Variants in ZBBX observed in about 807,000 individuals in gnomAD.
ZBBX encodes the protein zinc finger B-box domain containing.
ZBBX carries 101 observed loss-of-function variants against 108.5 expected under a neutral mutation model. That is an observed-to-expected ratio of 0.93 (90% CI 0.79 to 1.10). The LOEUF (loss-of-function observed/expected upper bound fraction) is 1.10, where lower values mean the gene tolerates loss of function less well. Ranked by LOEUF, ZBBX falls within the 50% of genes least tolerant of loss-of-function variation. The probability of loss-of-function intolerance (pLI) is 0.00; values close to 1 mark genes in which losing one functional copy is unlikely to be tolerated. For missense variants in ZBBX, 1,009 were observed against 941.4 expected, an observed-to-expected ratio of 1.07 and a Z score of -0.94; for synonymous variants, 356 against 323.4, an observed-to-expected ratio of 1.10 and a Z score of -1.08.
intron 2 of ZBBX, among the ~76,000 whole-genome samples, chr3:167,377,715 G>C (rs1747184215): frequency 6.6e-6 from 1 of 151,810 alleles, no homozygotes; most frequent in Non-Finnish European, 1.5e-5. Context: ...TATAAGGCAA[G>C]AACTGATAAT....
At chr3:167,245,812 T>A (rs1481110496) in intron 20 of ZBBX, among the ~76,000 whole-genome samples, 1 of 151,492 alleles carries the variant, frequency 6.6e-6, no homozygotes, top group Non-Finnish European at 1.5e-5. Flanking sequence ...CTGAGCCAAT[T>A]AAACTTCTTT....
chr3:167,396,011 A>C (rs1471976254), intron 1 of ZBBX, among the ~76,000 whole-genome samples: 1 of 152,012 alleles, frequency 6.6e-6, no homozygotes, highest in African/African-American at 2.4e-5. Context: ...CCTTACTCAA[A>C]AATCACTTGA....
chr3:167,239,083 G>A (rs1206629690), downstream of ZBBX, among the ~76,000 whole-genome samples: 3 of 152,076 alleles, frequency 2.0e-5, no homozygotes, highest in African/African-American at 4.8e-5. Context: ...GGATTAGCAA[G>A]TCCAAAATCC....
At chr3:167,191,985 AC>A in the ZBBX span, among the ~76,000 whole-genome samples, 74 of 144,460 alleles carry the variant, frequency 5.1e-4, 2 homozygotes, top group African/African-American at 1.8e-3. Flanking sequence ...AACAAAAAAA[AC>A]CTCTTCATTT....
At chr3:167,258,414 C>T (rs2108401284) in intron 20 of ZBBX, among the ~76,000 whole-genome samples, 2 of 152,228 alleles carry the variant, frequency 1.3e-5, no homozygotes, top group East Asian at 3.9e-4. Flanking sequence ...CAACATGTGG[C>T]TAGCCAATTA....
At chr3:167,289,151 A>C (rs1163342487) in intron 18 of ZBBX, among the ~76,000 whole-genome samples, 168 bp from the exon 19 acceptor site, 2 of 152,054 alleles carry the variant, frequency 1.3e-5, no homozygotes, top group East Asian at 1.9e-4. Context: ...AAAATCATTA[A>C]ATTAATATAT....
At chr3:167,290,626 C>T (rs1560079019) in intron 18 of ZBBX, among the ~76,000 whole-genome samples, 1 of 152,008 alleles carries the variant, frequency 6.6e-6, no homozygotes, top group East Asian at 1.9e-4. Context: ...GCTGAAAATT[C>T]CAAAAACCTG....
chr3:167,224,018 C>A, the ZBBX span, among the ~76,000 whole-genome samples: 1 of 151,896 alleles, frequency 6.6e-6, no homozygotes, highest in Non-Finnish European at 1.5e-5. Context: ...CAGCTCAGGT[C>A]GATCTGCTTG....
At chr3:167,212,638 G>A in the ZBBX span, among the ~76,000 whole-genome samples, 63 of 152,176 alleles carry the variant, frequency 4.1e-4, no homozygotes, top group African/African-American at 1.4e-3. Flanking sequence ...ATGACCCTTG[G>A]CTACAACCAC....
intron 20 of ZBBX, among the ~76,000 whole-genome samples, chr3:167,243,391 T>C (rs889614027): frequency 2.0e-5 from 3 of 152,104 alleles, no homozygotes; most frequent in African/African-American, 7.2e-5. Flanking sequence ...AAATTACTGG[T>C]TGCTATTCTT....
At chr3:167,270,905 A>C (rs1254018572) in intron 20 of ZBBX, among the ~76,000 whole-genome samples, 3 of 152,230 alleles carry the variant, frequency 2.0e-5, no homozygotes, top group African/African-American at 7.2e-5. Flanking sequence ...GTCTCAATTT[A>C]ATTGACTACC....
At chr3:167,374,590 CATTT>C (rs923946642) in intron 2 of ZBBX, among the ~76,000 whole-genome samples, 2 of 152,056 alleles carry the variant, frequency 1.3e-5, no homozygotes, top group Non-Finnish European at 2.9e-5. Context: ...CCACAATAAA[CATTT>C]ATTAAGGTTC....
downstream of ZBBX, among the ~76,000 whole-genome samples, chr3:167,238,407 A>G (rs1029605150): frequency 6.6e-5 from 10 of 152,004 alleles, no homozygotes; most frequent in Admixed American, 2.6e-4. Flanking sequence ...TTGATTGCTT[A>G]TTGTCCACGT....
intron 19 of ZBBX, among the ~76,000 whole-genome samples, chr3:167,286,386 A>C (rs558194529): frequency 1.3e-5 from 2 of 152,272 alleles, no homozygotes; most frequent in East Asian, 3.9e-4. Flanking sequence ...ATAGAATGGC[A>C]TGATACAATA....
At chr3:167,359,614 C>T (rs1344896531) in intron 8 of ZBBX, among the ~76,000 whole-genome samples, 1 of 151,966 alleles carries the variant, frequency 6.6e-6, no homozygotes, top group Non-Finnish European at 1.5e-5. Context: ...AGGTATGACT[C>T]AAAGGAGCGG....
intron 10 of ZBBX, among the ~76,000 whole-genome samples, chr3:167,333,260 G>T (rs1383606340): frequency 6.6e-6 from 1 of 151,926 alleles, no homozygotes; most frequent in Non-Finnish European, 1.5e-5. Context: ...AAAGAATGAG[G>T]ATTATAACAT....
chr3:167,332,738 A>T (rs552186214), intron 10 of ZBBX, among the ~76,000 whole-genome samples: 12 of 152,306 alleles, frequency 7.9e-5, no homozygotes, highest in African/African-American at 2.9e-4. Flanking sequence ...AGGCACGAAG[A>T]AGAAACTTTT....
chr3:167,264,147 T>G (rs148235577), intron 20 of ZBBX, among the ~76,000 whole-genome samples: 1 of 152,340 alleles, frequency 6.6e-6, no homozygotes, highest in East Asian at 1.9e-4. Context: ...TTGGGCTTTA[T>G]TTTTCCATCC....
At position 167,322,163 on chromosome 3, in the gene ZBBX, CTTCT is replaced by C. The variant is rs1260193023; in HGVS notation, c.933_936del (p.Glu312ThrfsTer67). 2.1e-6 allele frequency: 3 copies of C among 1,438,844 alleles called. No homozygotes were observed. The highest frequency in any genetic ancestry group is 2.8e-6 in the Non-Finnish European group (3 of 1,081,856). The allele number at this position is 1,438,844 out of a possible 1,614,324, so 89.1% of individuals were successfully genotyped here. A position where few individuals can be genotyped will look rare whatever the true frequency, so the allele number is the denominator to read the frequency against. ...AATTTTTCCATATAGGATAGAATGT[CTTCT>C]TTAAGTTCAATATTAAGTGGTTCTC... On this transcript the variant is annotated frameshift_variant, in exon 12 of 22. Transcript: ENST00000675490. LOFTEE classifies it high-confidence loss of function.
Sources: gnomAD v4.1 joint callset for allele counts (sites outside exome capture counted in the v4.1 genomes callset) on GRCh38, gnomAD v4.1.1 for gene constraint, MANE v1.5 for transcripts, NCBI Gene and HGNC (gene_info 2026-07-23, HGNC 2026-07-21) for gene names.